PCGF3: variants seen among roughly 807,000 people sequenced by gnomAD.
PCGF3 encodes the protein polycomb group ring finger 3.
PCGF3 carries 7 observed loss-of-function variants against 33.1 expected under a neutral mutation model. The ratio of observed to expected loss-of-function variants is 0.21; its 90% confidence interval spans 0.12 to 0.40. PCGF3 has a LOEUF of 0.40. Among genes scored for constraint, PCGF3 ranks in the 10% least tolerant of loss-of-function variants. The probability of loss-of-function intolerance (pLI) is 1.00; values close to 1 mark genes in which losing one functional copy is unlikely to be tolerated. For synonymous variants in PCGF3, 153 were observed against 121.3 expected (o/e 1.26, Z -1.72); for missense variants, 211 against 313.3 (o/e 0.67, Z 2.46).
chr4:726,892 G>C (rs73221116), intron 1 of PCGF3, among the ~76,000 whole-genome samples: 1 of 152,156 alleles, frequency 6.6e-6, no homozygotes, highest in Admixed American at 6.5e-5. Context: ...CTCGGTCCCC[G>C]CAGGCCTCCC....
At chr4:756,866 C>G (rs1744792258) in intron 8 of PCGF3, among the ~76,000 whole-genome samples, 1 of 152,168 alleles carries the variant, frequency 6.6e-6, no homozygotes, top group Admixed American at 6.5e-5. Context: ...CTGAGACTGC[C>G]ATGGCGATGA....
rs549889583 is a variant in PCGF3 at position 748,260 on chromosome 4, C to T, written c.462+3572C>T. On this transcript the variant is annotated intron_variant, in intron 8 of 10. Coordinates refer to ENST00000362003, the Ensembl canonical transcript of PCGF3. The stretch of plus-strand genomic sequence containing the variant: ...TGTCTGCCAGGCTGGAATGCGGTGG[C>T]ACCATCCCGGCTCACTGCAGCCTCT... 3.3e-5 allele frequency among the ~76,000 whole-genome samples: 5 copies of T among 151,740 alleles called. No individual in the cohort carries two copies. The East Asian group carries it at 7.8e-4, about 24-fold the overall frequency.
intron 6 of PCGF3, among the ~76,000 whole-genome samples, chr4:738,825 CT>C (rs1429086767): frequency 6.6e-6 from 1 of 151,872 alleles, no homozygotes; most frequent in East Asian, 1.9e-4. Flanking sequence ...CGCCACTGCA[CT>C]CCAGGCTGGG....
intron 1 of PCGF3, among the ~76,000 whole-genome samples, chr4:713,818 C>T (rs766687082): frequency 6.6e-6 from 1 of 152,136 alleles, no homozygotes; most frequent in Non-Finnish European, 1.5e-5. Flanking sequence ...GCAGTGTGAG[C>T]CTGGCACAGC....
chr4:736,029 T>A (rs1369861399), intron 5 of PCGF3, among the ~76,000 whole-genome samples: 2 of 152,024 alleles, frequency 1.3e-5, no homozygotes, highest in African/African-American at 4.8e-5. Context: ...TTTTCCCTTT[T>A]ATTATTATTA....
chr4:733,884 C>G, intron 4 of PCGF3, 95 bp downstream of exon 4: 1 of 1,600,084 alleles, frequency 6.2e-7, no homozygotes, highest in Non-Finnish European at 8.5e-7. Flanking sequence ...ACGCTTTTAG[C>G]TCAAGCCCGA....
chr4:762,144 C>T (rs907473024), intron 9 of PCGF3: 1 of 930,070 alleles, frequency 1.1e-6, no homozygotes, highest in Non-Finnish European at 1.3e-6. Flanking sequence ...ACATCCTAAC[C>T]CCCAGAGCCT....
intron 3 of PCGF3, among the ~76,000 whole-genome samples, chr4:733,082 C>T (rs1044301551): frequency 3.9e-5 from 2 of 51,878 alleles, no homozygotes; most frequent in South Asian, 1.2e-3. Context: ...GCCCCTGCCC[C>T]GTGCTGCCTC....
chr4:722,211 T>C (rs1168066530), intron 1 of PCGF3: 1 of 156,764 alleles, frequency 6.4e-6, no homozygotes, highest in Non-Finnish European at 1.4e-5. Flanking sequence ...CGTTTTTCCT[T>C]AATATCATCC....
At chr4:733,643 G>A (rs551368324) in intron 3 of PCGF3, 29 bp from the exon 4 acceptor site, 5 of 1,583,362 alleles carry the variant, frequency 3.2e-6, no homozygotes, top group South Asian at 2.3e-5. Flanking sequence ...AGAGTTTCAG[G>A]TGTTAATTAA....
Position 755,147 on chromosome 4 carries a change from G to A in PCGF3, c.463-6132G>A, listed in dbSNP as rs536229813. Reference sequence around the variant, plus strand: ...GCCCGCGTGGTGTCGCAGAGCACACGGCGTTGTGTGCGTGGCACGTGTTGT... The same window carrying A: ...GCCCGCGTGGTGTCGCAGAGCACACAGCGTTGTGTGCGTGGCACGTGTTGT... On this transcript the variant is annotated intron_variant, in intron 8 of 10. Coordinates refer to ENST00000362003, the Ensembl canonical transcript of PCGF3. 2.1e-4 allele frequency among the ~76,000 whole-genome samples: 32 copies of A among 152,380 alleles called. No homozygotes were observed. In the South Asian group the frequency reaches 3.7e-3, roughly 18 times the overall value.
exon 11 of PCGF3, chr4:766,700 T>C (rs1745392665): frequency 6.6e-6 from 1 of 152,208 alleles, no homozygotes; most frequent in Non-Finnish European, 1.5e-5. Context: ...TCGCCTTTCA[T>C]TGTGTGAGGT....
chr4:720,043 A>G lies in PCGF3; in HGVS notation c.-189-10587A>G, dbSNP rs555510289. Among the ~76,000 whole-genome samples, 17 of 152,304 alleles carry G rather than the reference A, an allele frequency of 1.1e-4. No individual in the cohort carries two copies. Among genetic ancestry groups the G allele is most frequent in the Non-Finnish European group, 1.8e-4 (12 of 68,030 alleles). On this transcript the variant is annotated intron_variant, in intron 1 of 10. Transcript: ENST00000362003. This position sits in a 1 kb window ranked among gnomAD's most constrained non-coding sequence, Gnocchi z 5.6. Reference sequence around the variant, plus strand: ...GCAGTTTGGTCATTTTTGTGTGAAAATAAATGAAAACAGGTTTTGCAGAGC... The same window carrying G: ...GCAGTTTGGTCATTTTTGTGTGAAAGTAAATGAAAACAGGTTTTGCAGAGC...
chr4:729,549 C>G (rs751128076), intron 1 of PCGF3, among the ~76,000 whole-genome samples: 1 of 152,200 alleles, frequency 6.6e-6, no homozygotes, highest in Admixed American at 6.5e-5. Flanking sequence ...CCCAGTGTTG[C>G]AGAATATTCC....
chr4:768,607 C>T (rs943282300), exon 11 of PCGF3: 1 of 152,298 alleles, frequency 6.6e-6, no homozygotes, highest in South Asian at 2.1e-4. Context: ...GGAATACGGT[C>T]TCACCGATGC....
chr4:733,971 T>G, intron 4 of PCGF3, 182 bp downstream of exon 4: 1 of 1,551,418 alleles, frequency 6.4e-7, no homozygotes, highest in African/African-American at 1.4e-5. Flanking sequence ...CTAAAGGTCC[T>G]GTGGGTGGTG....
exon 7 of PCGF3, chr4:743,582 A>G: frequency 1.9e-6 from 3 of 1,580,822 alleles, no homozygotes; most frequent in Non-Finnish European, 2.6e-6. Context: ...TCCCATCGGA[A>G]TGGTGAGTGC....
chr4:726,244 T>G (rs1017301573), intron 1 of PCGF3, among the ~76,000 whole-genome samples: 4 of 152,266 alleles, frequency 2.6e-5, no homozygotes, highest in African/African-American at 4.8e-5. Flanking sequence ...ACATGCTTGT[T>G]TGAAATTTCT....
chr4:733,619 A>G, intron 3 of PCGF3, 53 bp from the exon 4 acceptor site: 2 of 1,546,050 alleles, frequency 1.3e-6, no homozygotes, highest in South Asian at 1.2e-5. Flanking sequence ...TCAGCCAAGG[A>G]TGAAAGGCAT....
Sources: allele counts gnomAD v4.1 joint callset (sites outside exome capture counted in the v4.1 genomes callset), GRCh38; gene constraint gnomAD v4.1.1; non-coding constraint Gnocchi (gnomAD v3.1); transcripts MANE v1.5; gene names NCBI Gene and HGNC (gene_info 2026-07-23, HGNC 2026-07-21).